Variants in DPP10 observed in about 807,000 individuals in gnomAD.
DPP10 encodes the protein dipeptidyl peptidase like 10.
A neutral mutation model predicts 120.9 loss-of-function variants in DPP10; 33 were observed. That is an observed-to-expected ratio of 0.27 (90% CI 0.21 to 0.37). The LOEUF (loss-of-function observed/expected upper bound fraction) is 0.37. DPP10 is among the 10% of genes least tolerant of loss of function. The probability of loss-of-function intolerance (pLI) is 1.00; values close to 1 mark genes in which losing one functional copy is unlikely to be tolerated. For missense variants in DPP10, 816 were observed against 942.8 expected, an observed-to-expected ratio of 0.87 and a Z score of 1.76; for synonymous variants, 337 against 326.1, an observed-to-expected ratio of 1.03 and a Z score of -0.36.
chr2:114,614,822 T>C (rs1693557703), intron 1 of DPP10, among the ~76,000 whole-genome samples: 1 of 152,298 alleles, frequency 6.6e-6, no homozygotes, highest in East Asian at 1.9e-4. Flanking sequence ...GTCTATGAAA[T>C]TCCTTAATGA....
At chr2:115,414,016 C>T (rs1369062504) in intron 3 of DPP10, among the ~76,000 whole-genome samples, 1 of 152,084 alleles carries the variant, frequency 6.6e-6, no homozygotes, top group East Asian at 1.9e-4. Context: ...TGGTTCAAGG[C>T]CTTAAAGATA....
intron 5 of DPP10, among the ~76,000 whole-genome samples, chr2:115,653,927 A>G (rs527495188): frequency 6.6e-6 from 1 of 152,054 alleles, no homozygotes; most frequent in South Asian, 2.1e-4. Context: ...AAGAGATTAA[A>G]TGACTTATCC....
At chr2:114,501,989 G>A (rs1372056535) in intron 1 of DPP10, among the ~76,000 whole-genome samples, 1 of 141,202 alleles carries the variant, frequency 7.1e-6, no homozygotes, top group Non-Finnish European at 1.5e-5. Context: ...AGGCTGGAGT[G>A]TAGTGGTGCA....
chr2:114,790,518 C>A (rs1222658988), intron 1 of DPP10, among the ~76,000 whole-genome samples: 1 of 152,096 alleles, frequency 6.6e-6, no homozygotes, highest in Non-Finnish European at 1.5e-5. Context: ...TTTGTGTGAG[C>A]AACATGGCTG....
intron 1 of DPP10, among the ~76,000 whole-genome samples, chr2:115,301,337 C>T (rs1012149090): frequency 3.3e-5 from 5 of 151,834 alleles, no homozygotes; most frequent in African/African-American, 9.7e-5. Context: ...TATTCATTTT[C>T]GTCTGAGAGC....
intron 5 of DPP10, among the ~76,000 whole-genome samples, chr2:115,680,977 G>C (rs2090611732): frequency 6.6e-6 from 1 of 151,790 alleles, no homozygotes; most frequent in Admixed American, 6.6e-5. Flanking sequence ...TAAACTACAG[G>C]TCTAAATGAT....
At chr2:114,858,209 C>T (rs1389472660) in intron 1 of DPP10, among the ~76,000 whole-genome samples, 2 of 152,076 alleles carry the variant, frequency 1.3e-5, no homozygotes, top group East Asian at 1.9e-4. Flanking sequence ...AGGCTGGTCT[C>T]GAACCCCTTA....
intron 1 of DPP10, among the ~76,000 whole-genome samples, chr2:115,158,287 GTCC>G (rs2052055499): frequency 6.6e-6 from 1 of 152,008 alleles, no homozygotes; most frequent in African/African-American, 2.4e-5. Flanking sequence ...TTCATAACCC[GTCC>G]TCAATTATCT....
intron 1 of DPP10, among the ~76,000 whole-genome samples, chr2:115,002,801 C>A (rs188906240): frequency 1.1e-4 from 16 of 151,972 alleles, no homozygotes; most frequent in Admixed American, 7.2e-4. Flanking sequence ...CAAATCAATA[C>A]GACAATGAGA....
intron 3 of DPP10, among the ~76,000 whole-genome samples, chr2:115,409,701 CACAT>C (rs1284107385): frequency 6.6e-6 from 1 of 152,196 alleles, no homozygotes; most frequent in Non-Finnish European, 1.5e-5. Flanking sequence ...ATGAAAAACA[CACAT>C]GCATGCACAT....
At chr2:115,691,654 T>C (rs2091321817) in intron 7 of DPP10, among the ~76,000 whole-genome samples, 1 of 152,172 alleles carries the variant, frequency 6.6e-6, no homozygotes, top group South Asian at 2.1e-4. Context: ...TTGACTCTTC[T>C]TGACTTTTTA....
At chr2:115,102,357 G>A (rs1360597652) in intron 1 of DPP10, among the ~76,000 whole-genome samples, 1 of 152,128 alleles carries the variant, frequency 6.6e-6, no homozygotes, top group African/African-American at 2.4e-5. Context: ...GAATTTGGGG[G>A]AACATTAACA....
At chr2:115,573,519 T>C (rs1339719548) in intron 5 of DPP10, among the ~76,000 whole-genome samples, 2 of 150,940 alleles carry the variant, frequency 1.3e-5, no homozygotes, top group African/African-American at 4.9e-5. Context: ...CCTGACCTCG[T>C]GATCCGCCCA....
At chr2:115,215,808 A>G (rs1334563816) in intron 1 of DPP10, among the ~76,000 whole-genome samples, 1 of 152,174 alleles carries the variant, frequency 6.6e-6, no homozygotes, top group Non-Finnish European at 1.5e-5. Context: ...ATTACTGGGT[A>G]TCTACCCCCA....
chr2:114,760,355 G>C (rs1427660978), intron 1 of DPP10, among the ~76,000 whole-genome samples: 2 of 152,120 alleles, frequency 1.3e-5, no homozygotes, highest in African/African-American at 4.8e-5. Context: ...AAATCCAAAG[G>C]CTGGCTCCTC....
chr2:115,168,373 C>G (rs551014066), intron 1 of DPP10, among the ~76,000 whole-genome samples: 1 of 152,132 alleles, frequency 6.6e-6, no homozygotes, highest in Non-Finnish European at 1.5e-5. Context: ...AAGACTTGTG[C>G]AAGGTCCAAA....
Position 115,225,711 on chromosome 2 carries a change from T to A in DPP10, c.61-83528T>A, listed in dbSNP as rs2057401025. ...ATAGTAATTATTTCTCTGTTATAAT[T>A]ATAGGTATTCTTTGTGCTAGTTTTC... is the stretch of plus-strand genomic sequence containing the variant. On this transcript the variant is annotated intron_variant, in intron 1 of 25. Transcript: ENST00000410059. 2.0e-5 allele frequency among the ~76,000 whole-genome samples: 3 copies of A among 152,132 alleles called. No individual in the cohort carries two copies. In the South Asian group the frequency reaches 6.2e-4, roughly 32 times the overall value.
At chr2:115,084,171 A>T (rs566433257) in intron 1 of DPP10, among the ~76,000 whole-genome samples, 14 of 152,222 alleles carry the variant, frequency 9.2e-5, no homozygotes, top group Middle Eastern at 3.4e-3. Flanking sequence ...TATTTATTTC[A>T]CTTGGACTCT....
intron 1 of DPP10, among the ~76,000 whole-genome samples, chr2:115,285,448 A>T (rs2060325436): frequency 6.6e-6 from 1 of 152,072 alleles, no homozygotes; most frequent in African/African-American, 2.4e-5. Flanking sequence ...GATTTATTTT[A>T]AAAGTTCCTT....
Sources: gnomAD v4.1 joint callset for allele counts (sites outside exome capture counted in the v4.1 genomes callset) on GRCh38, gnomAD v4.1.1 for gene constraint, MANE v1.5 for transcripts, NCBI Gene and HGNC (gene_info 2026-07-23, HGNC 2026-07-21) for gene names.